The following GNB4 variants were observed in gnomAD, a reference collection of about 807,000 sequenced individuals.
The protein encoded by GNB4 is G protein subunit beta 4.
GNB4 carries 28 observed loss-of-function variants against 45.2 expected under a neutral mutation model. The observed-to-expected ratio is 0.62, with a 90% CI of 0.46 to 0.85. The LOEUF is 0.85. Ranked by LOEUF, GNB4 falls within the 40% of genes least tolerant of loss-of-function variation. GNB4 has a pLI of 0.00. For synonymous variants in GNB4, 132 were observed against 143.7 expected (o/e 0.92, Z 0.58); for missense variants, 321 against 425.4 (o/e 0.75, Z 2.16).
intron 8 of GNB4, among the ~76,000 whole-genome samples, chr3:179,408,649 G>A (rs895322938): frequency 4.0e-5 from 6 of 151,860 alleles, no homozygotes; most frequent in African/African-American, 1.2e-4. Context: ...ACAATTAGCC[G>A]GGCATGGTAG....
the GNB4 span, among the ~76,000 whole-genome samples, chr3:179,520,306 AAC>A: frequency 3.9e-5 from 6 of 151,930 alleles, no homozygotes; most frequent in Non-Finnish European, 8.8e-5. Context: ...TTCTCATAAA[AAC>A]ACACGTGCTC....
the GNB4 span, among the ~76,000 whole-genome samples, chr3:179,461,767 A>G: frequency 6.6e-6 from 1 of 152,186 alleles, no homozygotes; most frequent in Non-Finnish European, 1.5e-5. Context: ...TTTCAATGAC[A>G]TTTATTAAAT....
chr3:179,429,362 A>T (rs1156352398), intron 1 of GNB4, among the ~76,000 whole-genome samples: 2 of 152,216 alleles, frequency 1.3e-5, no homozygotes, highest in African/African-American at 4.8e-5. Flanking sequence ...ACAAAGCATC[A>T]TCACACCATG....
chr3:179,480,849 T>C, the GNB4 span, among the ~76,000 whole-genome samples: 1 of 151,388 alleles, frequency 6.6e-6, no homozygotes, highest in Non-Finnish European at 1.5e-5. Flanking sequence ...TCATTTTTTT[T>C]TTTTCTTTTT....
chr3:179,510,448 T>C, the GNB4 span, among the ~76,000 whole-genome samples: 2 of 152,204 alleles, frequency 1.3e-5, no homozygotes, highest in Non-Finnish European at 2.9e-5. Context: ...CCTGTCTGCA[T>C]TGGCACCATT....
intron 1 of GNB4, among the ~76,000 whole-genome samples, chr3:179,450,100 GATGAT>G (rs1366309688): frequency 6.7e-6 from 1 of 149,880 alleles, no homozygotes; most frequent in African/African-American, 2.5e-5. Flanking sequence ...CGTTCAATAA[GATGAT>G]ATTTTAAAAG....
At chr3:179,453,649 T>C (rs1182291252), upstream of GNB4, among the ~76,000 whole-genome samples, 2 of 152,244 alleles carry the variant, frequency 1.3e-5, no homozygotes, top group Non-Finnish European at 2.9e-5. Flanking sequence ...CCTGAAAAGA[T>C]GTAACAAGAA....
chr3:179,510,231 C>G, the GNB4 span, among the ~76,000 whole-genome samples: 1 of 152,056 alleles, frequency 6.6e-6, no homozygotes, highest in South Asian at 2.1e-4. Context: ...TACCATGGAC[C>G]CGCCCTGCCC....
At chr3:179,403,685 C>T (rs1714374516) in intron 9 of GNB4, among the ~76,000 whole-genome samples, 1 of 151,770 alleles carries the variant, frequency 6.6e-6, no homozygotes, top group Admixed American at 6.6e-5. Flanking sequence ...CCCAGCTAGT[C>T]TACTCGGGAG....
chr3:179,410,907 T>C (rs1714632162), intron 8 of GNB4, among the ~76,000 whole-genome samples: 1 of 152,132 alleles, frequency 6.6e-6, no homozygotes, highest in Admixed American at 6.6e-5. Context: ...ACAATGTAGA[T>C]GATATAGATA....
the GNB4 span, among the ~76,000 whole-genome samples, chr3:179,484,061 C>T: frequency 2.0e-5 from 3 of 152,242 alleles, no homozygotes; most frequent in East Asian, 1.9e-4. Flanking sequence ...GTTGTCTCAG[C>T]GTCTTGATCT....
chr3:179,467,902 T>A, the GNB4 span, among the ~76,000 whole-genome samples: 1 of 151,890 alleles, frequency 6.6e-6, no homozygotes, highest in Admixed American at 6.6e-5. Flanking sequence ...CCTGTATTGT[T>A]CATGTGAATG....
At chr3:179,514,598 G>T in the GNB4 span, among the ~76,000 whole-genome samples, 1 of 152,164 alleles carries the variant, frequency 6.6e-6, no homozygotes, top group Non-Finnish European at 1.5e-5. Flanking sequence ...GGTTAAATGA[G>T]GTCATAAGAG....
intron 8 of GNB4, among the ~76,000 whole-genome samples, chr3:179,412,096 C>A (rs1268366187): frequency 1.3e-5 from 2 of 152,162 alleles, no homozygotes; most frequent in Non-Finnish European, 2.9e-5. Flanking sequence ...CTCCTATATA[C>A]TGAGTACTTT....
intron 1 of GNB4, among the ~76,000 whole-genome samples, chr3:179,430,234 C>T (rs1305593097): frequency 6.6e-6 from 1 of 151,980 alleles, no homozygotes; most frequent in Non-Finnish European, 1.5e-5. Context: ...CACAGGTGGG[C>T]ACTACCACGT....
chr3:179,477,199 C>T, the GNB4 span, among the ~76,000 whole-genome samples: 1 of 151,932 alleles, frequency 6.6e-6, no homozygotes, highest in Admixed American at 6.6e-5. Context: ...CTCTCCTGAA[C>T]ACACTTTTTA....
intron 8 of GNB4, among the ~76,000 whole-genome samples, chr3:179,409,833 C>CAA (rs1238640935): frequency 1.7e-5 from 1 of 60,492 alleles, no homozygotes; most frequent in African/African-American, 4.4e-5. Flanking sequence ...AAAAACAAAA[C>CAA]AAAAAAAAAA....
chr3:179,446,512 T>G (rs906142574), intron 1 of GNB4, among the ~76,000 whole-genome samples: 2 of 152,226 alleles, frequency 1.3e-5, no homozygotes, highest in Non-Finnish European at 2.9e-5. Flanking sequence ...AATCTGTGGC[T>G]CATTTTCTTT....
chr3:179,412,951 A>G (rs1206342239), intron 8 of GNB4, among the ~76,000 whole-genome samples: 1 of 152,152 alleles, frequency 6.6e-6, no homozygotes, highest in Non-Finnish European at 1.5e-5. Context: ...AGGCCGAGGC[A>G]GGAAGATTGC....
Sources: allele counts gnomAD v4.1 joint callset (sites outside exome capture counted in the v4.1 genomes callset), GRCh38; gene constraint gnomAD v4.1.1; transcripts MANE v1.5; gene names NCBI Gene and HGNC (gene_info 2026-07-23, HGNC 2026-07-21).